Variants in CDH18 observed in about 807,000 individuals in gnomAD.
CDH18 encodes the protein cadherin 18.
Under a neutral mutation model 67.9 loss-of-function variants are expected in CDH18, and 31 were observed. The ratio of observed to expected loss-of-function variants is 0.46; its 90% CI spans 0.34 to 0.62. The LOEUF is 0.62. Among genes scored for constraint, CDH18 ranks in the 20% least tolerant of loss-of-function variants. The pLI is 0.01. For missense variants in CDH18, 890 were observed against 975.5 expected (o/e 0.91, Z 1.17); for synonymous variants, 362 against 347.2 (o/e 1.04, Z -0.48).
At chr5:19,587,343 C>T (rs552473823) in intron 7 of CDH18, among the ~76,000 whole-genome samples, 1 of 152,214 alleles carries the variant, frequency 6.6e-6, no homozygotes, top group Admixed American at 6.5e-5. Flanking sequence ...CTTTAGGGCT[C>T]TTCGTCATGA....
At chr5:19,915,215 T>C (rs1791623053) in intron 2 of CDH18, among the ~76,000 whole-genome samples, 1 of 152,164 alleles carries the variant, frequency 6.6e-6, no homozygotes, top group African/African-American at 2.4e-5. Flanking sequence ...AGTGCTGTCT[T>C]CCACTACTCC....
chr5:20,565,449 T>A (rs764901861), intron 1 of CDH18, among the ~76,000 whole-genome samples: 94 of 152,122 alleles, frequency 6.2e-4, no homozygotes, highest in Admixed American at 1.1e-3. Flanking sequence ...TAAGCATTGC[T>A]CCTTGGCTTC....
chr5:20,210,529 A>C (rs1166294692), intron 2 of CDH18, among the ~76,000 whole-genome samples: 1 of 152,014 alleles, frequency 6.6e-6, no homozygotes, highest in Admixed American at 6.6e-5. Flanking sequence ...TAATCTGAAC[A>C]GTTTAAATAT....
intron 3 of CDH18, among the ~76,000 whole-genome samples, chr5:19,784,007 G>T (rs1485931182): frequency 6.6e-6 from 1 of 151,926 alleles, no homozygotes; most frequent in Non-Finnish European, 1.5e-5. Context: ...TTTTATAGAT[G>T]AGTAAAAACA....
chr5:20,562,864 A>G (rs187157161), intron 1 of CDH18, among the ~76,000 whole-genome samples: 262 of 152,062 alleles, frequency 1.7e-3, no homozygotes, highest in Non-Finnish European at 2.3e-3. Flanking sequence ...ATGGTTATGA[A>G]CCACCCGAGG....
intron 1 of CDH18, among the ~76,000 whole-genome samples, chr5:20,510,165 G>A (rs1221247635): frequency 6.6e-6 from 1 of 151,734 alleles, no homozygotes; most frequent in Non-Finnish European, 1.5e-5. Context: ...TTTTTTCATA[G>A]GCCTATTGGG....
intron 2 of CDH18, among the ~76,000 whole-genome samples, chr5:20,228,696 G>A (rs1741830768): frequency 6.6e-6 from 1 of 151,958 alleles, no homozygotes; most frequent in Non-Finnish European, 1.5e-5. Context: ...TTTTACATAT[G>A]AGTGAGATAA....
chr5:19,873,387 A>T (rs971899269), intron 2 of CDH18, among the ~76,000 whole-genome samples: 1 of 152,052 alleles, frequency 6.6e-6, no homozygotes, highest in African/African-American at 2.4e-5. Flanking sequence ...CTGAAGAAAA[A>T]CATAGTCGGT....
intron 5 of CDH18, among the ~76,000 whole-genome samples, chr5:19,627,406 G>C (rs373630162): frequency 3.3e-5 from 5 of 152,264 alleles, no homozygotes; most frequent in African/African-American, 1.2e-4. Context: ...AAACTTACTT[G>C]CCAATGAACT....
At chr5:20,025,348 T>G (rs1356466651) in intron 2 of CDH18, among the ~76,000 whole-genome samples, 1 of 152,190 alleles carries the variant, frequency 6.6e-6, no homozygotes, top group Non-Finnish European at 1.5e-5. Flanking sequence ...GGAGAATTAA[T>G]TTAAATTAAT....
intron 7 of CDH18, among the ~76,000 whole-genome samples, chr5:19,579,749 CA>C (rs1309033136): frequency 6.6e-6 from 1 of 151,594 alleles, no homozygotes; most frequent in African/African-American, 2.4e-5. Flanking sequence ...ATTGTTTCTA[CA>C]GTTTTTAAGG....
intron 6 of CDH18, among the ~76,000 whole-genome samples, chr5:19,600,123 T>C (rs997653916): frequency 6.7e-6 from 1 of 149,110 alleles, no homozygotes; most frequent in African/African-American, 2.5e-5. Flanking sequence ...ACAGTGCATG[T>C]TCTCACTCAT....
chr5:19,509,515 T>C (rs1276152370), intron 10 of CDH18, among the ~76,000 whole-genome samples: 3 of 152,192 alleles, frequency 2.0e-5, no homozygotes, highest in Non-Finnish European at 4.4e-5. Flanking sequence ...TAATAGTATC[T>C]GCATACATTT....
chr5:19,696,393 C>T lies in CDH18; in HGVS notation c.643+24954G>A, dbSNP rs552229572. On this transcript the variant is annotated intron_variant, in intron 5 of 12. Coordinates refer to ENST00000382275, the MANE Select transcript of CDH18 (RefSeq NM_004934.5). The stretch of plus-strand genomic sequence containing the variant: ...CTCTACTAAAAATACAAAAATTAGC[C>T]GGGTGTGGTGGCACAACCTGTAGTC... Among the ~76,000 whole-genome samples the T allele has an allele frequency of 7.9e-5, 12 of 151,776 alleles. No individual in the cohort carries two copies. The South Asian group carries it at 1.0e-3, about 13-fold the overall frequency.
At chr5:20,097,901 G>T (rs538107186) in intron 2 of CDH18, among the ~76,000 whole-genome samples, 224 of 152,068 alleles carry the variant, frequency 1.5e-3, no homozygotes, top group African/African-American at 5.0e-3. Flanking sequence ...TTCGACTTTT[G>T]TGATAGTAAA....
chr5:19,559,956 A>G (rs1044578490), intron 8 of CDH18, among the ~76,000 whole-genome samples: 2 of 150,652 alleles, frequency 1.3e-5, no homozygotes, highest in Non-Finnish European at 3.0e-5. Context: ...TATTTAACCA[A>G]GAAGAAGAAA....
chr5:20,113,877 A>G (rs910582667), intron 2 of CDH18, among the ~76,000 whole-genome samples: 2 of 152,160 alleles, frequency 1.3e-5, no homozygotes, highest in Non-Finnish European at 2.9e-5. Context: ...TATGAAAAAA[A>G]TTTTGAGGCA....
chr5:19,932,296 C>A (rs1561581898), intron 2 of CDH18, among the ~76,000 whole-genome samples: 1 of 151,714 alleles, frequency 6.6e-6, no homozygotes, highest in Non-Finnish European at 1.5e-5. Context: ...TACTCATGTG[C>A]AGAATATTTT....
chr5:19,933,724 T>A (rs1340198093), intron 2 of CDH18, among the ~76,000 whole-genome samples: 1 of 151,472 alleles, frequency 6.6e-6, no homozygotes, highest in Non-Finnish European at 1.5e-5. Context: ...TTCTTCCTAG[T>A]TATTGAAATA....
Sources: gnomAD v4.1 joint callset for allele counts (sites outside exome capture counted in the v4.1 genomes callset) on GRCh38, gnomAD v4.1.1 for gene constraint, MANE v1.5 for transcripts, NCBI Gene and HGNC (gene_info 2026-07-23, HGNC 2026-07-21) for gene names.